PCDHA9: variants seen among roughly 807,000 people sequenced by gnomAD.
The protein encoded by PCDHA9 is protocadherin alpha-9.
In PCDHA9, 62 loss-of-function variants were observed where a neutral mutation model predicts 62.0. The observed-to-expected ratio is 1.00, with a 90% CI of 0.81 to 1.23. The LOEUF (loss-of-function observed/expected upper bound fraction) is 1.23, where lower values mean the gene tolerates loss of function less well. PCDHA9 is among the 50% of genes most tolerant of loss of function. The pLI is 0.00. For synonymous variants in PCDHA9, 557 were observed against 567.6 expected (o/e 0.98, Z 0.27); for missense variants, 1,205 against 1,249.8 (o/e 0.96, Z 0.54).
intron 1 of PCDHA9, among the ~76,000 whole-genome samples, chr5:140,903,945 C>G (rs191892568): frequency 2.6e-5 from 4 of 152,162 alleles, no homozygotes; most frequent in Non-Finnish European, 5.9e-5. Context: ...CTCTTAAATA[C>G]TGGAAAATTA....
chr5:140,907,164 G>T (rs1554192895), intron 1 of PCDHA9, among the ~76,000 whole-genome samples: 2 of 152,098 alleles, frequency 1.3e-5, no homozygotes, highest in Non-Finnish European at 2.9e-5. Context: ...ACCATATATT[G>T]GATGCTGATT....
At chr5:140,862,766 A>T (rs781899169) in intron 1 of PCDHA9, 1 of 576,266 alleles carries the variant, frequency 1.7e-6, no homozygotes, top group Non-Finnish European at 3.3e-6. Context: ...GGCAAGAGGT[A>T]CGCGTTGCAG....
chr5:140,914,185 C>G (rs1183431482), intron 1 of PCDHA9, among the ~76,000 whole-genome samples: 1 of 152,130 alleles, frequency 6.6e-6, no homozygotes, highest in Non-Finnish European at 1.5e-5. Flanking sequence ...AATTCTCCAC[C>G]TATTATTGTA....
intron 1 of PCDHA9, chr5:140,870,552 G>C: frequency 6.2e-7 from 1 of 1,614,042 alleles, no homozygotes; most frequent in Non-Finnish European, 8.5e-7. Flanking sequence ...ACGCGGACGC[G>C]CAGGAGAACG....
intron 1 of PCDHA9, among the ~76,000 whole-genome samples, chr5:140,932,387 T>C (rs1419863335): frequency 6.6e-6 from 1 of 151,960 alleles, no homozygotes; most frequent in Non-Finnish European, 1.5e-5. Context: ...AAGTTATACA[T>C]AGTTTCAACA....
At chr5:140,851,120 T>C (rs1052387301) in intron 1 of PCDHA9, 3 of 1,307,570 alleles carry the variant, frequency 2.3e-6, no homozygotes, top group Non-Finnish European at 2.0e-6. Flanking sequence ...ATCAATTTTA[T>C]TTAAATTTGT....
intron 1 of PCDHA9, chr5:140,857,825 G>T: frequency 3.8e-6 from 6 of 1,597,886 alleles, no homozygotes; most frequent in Non-Finnish European, 3.4e-6. Flanking sequence ...GGTGGCTAAG[G>T]TGCGCGCAGT....
rs200722492 is a variant in PCDHA9, at chr5:140,856,425, A to T, written c.2394+5536A>T. ...GTGGACGTGGAAGTGAAGGACATTAACGACAACCCGCCCAGGTTCTCCGTA... is the reference window on the plus strand; with the variant it reads ...GTGGACGTGGAAGTGAAGGACATTATCGACAACCCGCCCAGGTTCTCCGTA... On this transcript the variant is annotated intron_variant, in intron 1 of 3. Transcript: ENST00000532602. The T allele has an allele frequency of 2.3e-5, 37 of 1,598,204 alleles. 1 individual carries two copies. The highest frequency in any genetic ancestry group is 1.9e-4 in the Admixed American group (11 of 59,214).
At chr5:140,907,927 T>C (rs970960629) in intron 1 of PCDHA9, among the ~76,000 whole-genome samples, 14 of 152,220 alleles carry the variant, frequency 9.2e-5, no homozygotes, top group Admixed American at 9.2e-4. Flanking sequence ...GAGAGGTCCA[T>C]TCACATACCT....
intron 1 of PCDHA9, chr5:140,870,230 G>A (rs782759965): frequency 9.3e-6 from 15 of 1,614,032 alleles, no homozygotes; most frequent in Non-Finnish European, 1.3e-5. Flanking sequence ...GTGTCTGACC[G>A]TGACTCAGGT....
At chr5:141,000,395 CTATATATA>C (rs1190667031) in intron 3 of PCDHA9, among the ~76,000 whole-genome samples, 7 of 53,980 alleles carry the variant, frequency 1.3e-4, no homozygotes, top group South Asian at 8.9e-4. Flanking sequence ...CTCTCTCTCT[CTATATATA>C]TATATATATA....
rs562081561 is a variant in PCDHA9 at position 140,927,834 on chromosome 5, C to T, written c.2395-51115C>T. 1.2e-5 allele frequency: 19 copies of T among 1,614,138 alleles called. No homozygotes were observed. In the East Asian group the frequency reaches 2.2e-4, roughly 19 times the overall value. ...TGGAGGCATACATTGAGGCGAGGGA[C>T]GAAGGTGTCTTTGGTTTAGCTAGCA... On this transcript the variant is annotated intron_variant, in intron 1 of 3. Coordinates refer to ENST00000532602, the MANE Select transcript of PCDHA9 (RefSeq NM_031857.2).
intron 1 of PCDHA9, among the ~76,000 whole-genome samples, chr5:140,962,088 T>C (rs893852980): frequency 6.6e-6 from 1 of 152,092 alleles, no homozygotes; most frequent in Non-Finnish European, 1.5e-5. Flanking sequence ...GGTTTCACCA[T>C]GTTAGCCAGG....
At chr5:140,878,837 A>G (rs6885420) in intron 1 of PCDHA9, among the ~76,000 whole-genome samples, 4 of 152,334 alleles carry the variant, frequency 2.6e-5, no homozygotes, top group Admixed American at 2.6e-4. Context: ...AGGCTGGACT[A>G]GAACTTCTGG....
chr5:140,858,376 A>ACATC, intron 1 of PCDHA9: 1 of 1,587,998 alleles, frequency 6.3e-7, no homozygotes, highest in Non-Finnish European at 8.6e-7. Flanking sequence ...GCCTTCCACC[A>ACATC]TGCCCAATGG....
intron 1 of PCDHA9, among the ~76,000 whole-genome samples, chr5:140,923,753 TG>T (rs1217230498): frequency 6.6e-6 from 1 of 152,174 alleles, no homozygotes; most frequent in Non-Finnish European, 1.5e-5. Context: ...AGGCATATGG[TG>T]GGACAAATCC....
At chr5:140,965,238 A>T (rs540671197) in intron 1 of PCDHA9, among the ~76,000 whole-genome samples, 1 of 152,314 alleles carries the variant, frequency 6.6e-6, no homozygotes, top group African/African-American at 2.4e-5. Flanking sequence ...ACCTGGGAAG[A>T]GTGAATATTC....
rs1277390291 is a variant in PCDHA9 at position 140,926,661 on chromosome 5, A to T, written c.2395-52288A>T. 7.5e-6 allele frequency: 4 copies of T among 536,378 alleles called. No homozygotes were observed. In the African/African-American group the frequency reaches 7.9e-5, roughly 11 times the overall value. The allele number at this position is 536,378 out of a possible 1,614,324, so 33.2% of individuals were successfully genotyped here. A position where few individuals can be genotyped will look rare whatever the true frequency, so the allele number is the denominator to read the frequency against. On this transcript the variant is annotated intron_variant, in intron 1 of 3. Coordinates refer to ENST00000532602, the MANE Select transcript of PCDHA9 (RefSeq NM_031857.2). ...AACACCCGGCCGGCTCCGCTTTCCC[A>T]GACGGCTGCCCAGCCTCCAGCCTAG...
intron 1 of PCDHA9, among the ~76,000 whole-genome samples, chr5:140,912,772 A>T (rs897864498): frequency 1.3e-5 from 2 of 152,190 alleles, no homozygotes; most frequent in South Asian, 4.1e-4. Flanking sequence ...ACTTTGAGGT[A>T]TGTCCCTTCT....
Sources: gnomAD v4.1 joint callset for allele counts (sites outside exome capture counted in the v4.1 genomes callset) on GRCh38, gnomAD v4.1.1 for gene constraint, MANE v1.5 for transcripts, NCBI Gene and HGNC (gene_info 2026-07-23, HGNC 2026-07-21) for gene names.